CAMSAP2: variants seen among roughly 807,000 people sequenced by gnomAD.
CAMSAP2 encodes calmodulin-regulated spectrin-associated protein 2.
CAMSAP2 carries 26 observed loss-of-function variants against 146.1 expected under a neutral mutation model. That is an observed-to-expected ratio of 0.18 (90% CI 0.13 to 0.25). The LOEUF (loss-of-function observed/expected upper bound fraction) is 0.25. Ranked by LOEUF, CAMSAP2 falls within the 10% of genes least tolerant of loss-of-function variation. The probability of loss-of-function intolerance (pLI) is 1.00; values close to 1 mark genes in which losing one functional copy is unlikely to be tolerated. For synonymous variants in CAMSAP2, 499 were observed against 596.6 expected, an observed-to-expected ratio of 0.84 and a Z score of 2.38; for missense variants, 1,381 against 1,759.3, an observed-to-expected ratio of 0.78 and a Z score of 3.85.
intron 10 of CAMSAP2, 81 bp downstream of exon 10, chr1:200,847,790 C>T: frequency 4.9e-6 from 6 of 1,232,894 alleles, no homozygotes; most frequent in Non-Finnish European, 7.0e-6. Flanking sequence ...TTATTGATAA[C>T]CAAATTGCTA....
intron 6 of CAMSAP2, among the ~76,000 whole-genome samples, chr1:200,840,258 C>T (rs1234070518): frequency 1.3e-5 from 2 of 152,078 alleles, no homozygotes; most frequent in Non-Finnish European, 2.9e-5. Context: ...AGAGTCATCA[C>T]TCTTGATTCT....
intron 1 of CAMSAP2, among the ~76,000 whole-genome samples, chr1:200,755,816 G>A (rs1425695524): frequency 3.9e-5 from 6 of 152,154 alleles, no homozygotes; most frequent in African/African-American, 1.4e-4. Context: ...AAAATATTAT[G>A]GGATAGTAAT....
chr1:200,814,138 A>AGGGGGGGGCGGGGGGGG (rs1666412376), intron 3 of CAMSAP2, among the ~76,000 whole-genome samples: 19 of 7,132 alleles, frequency 2.7e-3, no homozygotes, highest in African/African-American at 5.8e-3. Context: ...TGGCGGGGGG[A>AGGGGGGGGCGGGGGGGG]GGGGTGGGCG....
At chr1:200,791,477 A>AT (rs1319713523) in intron 2 of CAMSAP2, among the ~76,000 whole-genome samples, 17 of 152,078 alleles carry the variant, frequency 1.1e-4, no homozygotes, top group Non-Finnish European at 2.2e-4. Context: ...TTTAGACTCC[A>AT]TTTGTATAAC....
intron 2 of CAMSAP2, among the ~76,000 whole-genome samples, chr1:200,772,155 C>T (rs1248475875): frequency 3.9e-5 from 6 of 152,004 alleles, no homozygotes; most frequent in Admixed American, 1.3e-4. Flanking sequence ...TCAAGATACC[C>T]ACCTGGTTTA....
intron 13 of CAMSAP2, among the ~76,000 whole-genome samples, chr1:200,854,364 T>C (rs1449421235): frequency 6.6e-6 from 1 of 152,150 alleles, no homozygotes. Flanking sequence ...CCAAATGCCA[T>C]GGAAATTTTT....
chr1:200,825,153 T>C (rs1666872676), intron 4 of CAMSAP2, among the ~76,000 whole-genome samples: 1 of 152,220 alleles, frequency 6.6e-6, no homozygotes, highest in South Asian at 2.1e-4. Flanking sequence ...TTTGTGTTAA[T>C]TGGTTTCTGT....
At chr1:200,782,456 C>G (rs189521433) in intron 2 of CAMSAP2, among the ~76,000 whole-genome samples, 1 of 152,154 alleles carries the variant, frequency 6.6e-6, no homozygotes, top group South Asian at 2.1e-4. Flanking sequence ...TTTTTGCAGT[C>G]AGCCCGCAGC....
chr1:200,783,045 C>G (rs1159239936), intron 2 of CAMSAP2, among the ~76,000 whole-genome samples: 3 of 151,642 alleles, frequency 2.0e-5, no homozygotes, highest in African/African-American at 7.3e-5. Flanking sequence ...GATTACAGGC[C>G]TGAGCCACTG....
intron 8 of CAMSAP2, among the ~76,000 whole-genome samples, chr1:200,845,238 C>A (rs1268169639): frequency 7.3e-6 from 1 of 137,282 alleles, no homozygotes; most frequent in Admixed American, 8.1e-5. Context: ...TTTTAAAAAT[C>A]TTTGAAGGTT....
At chr1:200,819,171 A>G (rs1253797211) in intron 4 of CAMSAP2, among the ~76,000 whole-genome samples, 1 of 152,178 alleles carries the variant, frequency 6.6e-6, no homozygotes, top group African/African-American at 2.4e-5. Context: ...CCAGTGATGT[A>G]TTTCTGATCA....
chr1:200,853,735 C>T lies in CAMSAP2; in HGVS notation c.3823+240C>T, dbSNP rs1199422872. Reference sequence around the variant, plus strand: ...CTAAAAATCAAATCTAAATATTAATCTATTAGGGAACTGTGCCCTCAGATA... The same window carrying T: ...CTAAAAATCAAATCTAAATATTAATTTATTAGGGAACTGTGCCCTCAGATA... On this transcript the variant is annotated intron_variant, in intron 13 of 16. Transcript: ENST00000358823. The surrounding 1 kb of genome is among the most constrained non-coding windows in gnomAD (Gnocchi z 5.1). Among the ~76,000 whole-genome samples, 1 of 152,180 alleles carries T rather than the reference C, an allele frequency of 6.6e-6. No individual in the cohort carries two copies. Among genetic ancestry groups the T allele is most frequent in the Non-Finnish European group, 1.5e-5 (1 of 68,032 alleles).
intron 2 of CAMSAP2, among the ~76,000 whole-genome samples, chr1:200,785,116 G>A (rs560196701): frequency 1.3e-5 from 2 of 152,044 alleles, no homozygotes; most frequent in African/African-American, 4.8e-5. Context: ...AGTTGGTCAC[G>A]GTAAATTATC....
chr1:200,740,310 A>G (rs1664125751), intron 1 of CAMSAP2, among the ~76,000 whole-genome samples: 1 of 151,704 alleles, frequency 6.6e-6, no homozygotes, highest in Non-Finnish European at 1.5e-5. Flanking sequence ...CCTCAGTCAT[A>G]ATTGTGATTA....
chr1:200,788,948 G>A (rs535043823), intron 2 of CAMSAP2, among the ~76,000 whole-genome samples: 33 of 152,038 alleles, frequency 2.2e-4, no homozygotes, highest in South Asian at 1.9e-3. Flanking sequence ...TACTGTGCCC[G>A]GCCAGAACAT....
Position 200,852,996 on chromosome 1 carries a change from GAGATACACAC to G in CAMSAP2, c.3603-277_3603-268del, listed in dbSNP as rs1238696600. Among the ~76,000 whole-genome samples the G allele has an allele frequency of 7.1e-5, 6 of 84,692 alleles. No individual in the cohort carries two copies. In the South Asian group the frequency reaches 2.4e-3, roughly 35 times the overall value. 55.6% of individuals were successfully genotyped at this position (84,692 alleles called of 152,430 possible). A position where few individuals can be genotyped will look rare whatever the true frequency, so the allele number is the denominator to read the frequency against. ...AAAAACATTAAAATAACTTTCCTGG[GAGATACACAC>G]ACACACACACACACACACACACACG... On this transcript the variant is annotated intron_variant, in intron 12 of 16. Transcript: ENST00000358823.
chr1:200,847,728 T>A lies in CAMSAP2; in HGVS notation c.1262+19T>A. 4 of 1,576,680 alleles carry A rather than the reference T, an allele frequency of 2.5e-6. No individual in the cohort carries two copies. The highest frequency in any genetic ancestry group is 3.5e-6 in the Non-Finnish European group (4 of 1,148,474). ...AGAAAAGGTAAACAAAGAGAATTAC[T>A]TTTAGTGTATTCAGATTATTAAGAA... is the stretch of plus-strand genomic sequence containing the variant. On this transcript the variant is annotated intron_variant, in intron 10 of 16. Transcript: ENST00000358823.
rs760496025 is a variant in CAMSAP2, at chr1:200,852,593, A to C, written c.3518A>C (p.Glu1173Ala). 3 of 1,613,826 alleles carry C rather than the reference A, an allele frequency of 1.9e-6. No homozygotes were observed. The African/African-American group carries it at 4.0e-5, about 22-fold the overall frequency. ...GCAATGAAACGGGCAGCTTTGTTGG[A>C]GAAAAGATTAAGAAGGGAAAAGGAA... ...DMAMKRAALL[E>A]KRLRREKETQ... is the part of the protein sequence containing the mutation. The change falls in exon 12 of 17, where the codon GAG becomes GCG. Residue 1173 changes from glutamate (E) to alanine (A), a missense_variant. Transcript: ENST00000358823.
chr1:200,842,968 A>G (rs1571822313), intron 7 of CAMSAP2, among the ~76,000 whole-genome samples: 1 of 149,142 alleles, frequency 6.7e-6, no homozygotes, highest in East Asian at 2.0e-4. Flanking sequence ...GAGATGAGAC[A>G]CCATCTCAAA....
Sources: gnomAD v4.1 joint callset for allele counts (sites outside exome capture counted in the v4.1 genomes callset) on GRCh38, gnomAD v4.1.1 for gene constraint, Gnocchi (gnomAD v3.1) non-coding constraint, MANE v1.5 for transcripts, NCBI Gene and HGNC (gene_info 2026-07-23, HGNC 2026-07-21) for gene names.